SLCO1B1: variants seen among roughly 807,000 people sequenced by gnomAD.
SLCO1B1 encodes the protein OATP-2.
Under a neutral mutation model 70.1 loss-of-function variants are expected in SLCO1B1, and 81 were observed. The ratio of observed to expected loss-of-function variants is 1.16; its 90% CI spans 0.97 to 1.39. The LOEUF is 1.39. Among genes scored for constraint, SLCO1B1 ranks in the 40% most tolerant of loss-of-function variants. The pLI is 0.00. For synonymous variants in SLCO1B1, 283 were observed against 271.5 expected (o/e 1.04, Z -0.42); for missense variants, 895 against 799.6 (o/e 1.12, Z -1.44).
At position 21,236,246 on chromosome 12, in the gene SLCO1B1, T is replaced by C. The variant is rs373016784; in HGVS notation, c.1866-2733T>C. 2.9e-4 allele frequency among the ~76,000 whole-genome samples: 44 copies of C among 152,208 alleles called. No individual in the cohort carries two copies. The South Asian group carries it at 8.9e-3, about 31-fold the overall frequency. ...AGCTATAGTGGGCTACAGTCCCCAC[T>C]CTTTTAGGGGAAGAACACATTGAGG... On this transcript the variant is annotated intron_variant, in intron 14 of 14. Coordinates refer to ENST00000256958, the MANE Select transcript of SLCO1B1 (RefSeq NM_006446.5).
chr12:21,197,014 G>A lies in SLCO1B1; in HGVS notation c.796G>A (p.Gly266Arg). 1.2e-6 allele frequency: 2 copies of A among 1,613,254 alleles called. No homozygotes were observed. The highest frequency in any genetic ancestry group is 1.7e-6 in the Non-Finnish European group (2 of 1,179,512). Residue 266 changes from glycine (G) to arginine (R), a missense_variant, in exon 8 of 15, where the codon GGA becomes AGA. Gly to Arg is a moderately radical substitution (Grantham distance 125). Coordinates refer to ENST00000256958, the MANE Select transcript of SLCO1B1 (RefSeq NM_006446.5). The part of the protein sequence containing the change: ...GAWWLNFLVS[G>R]LFSIISSIPF... The stretch of plus-strand genomic sequence containing the variant: ...TTGGTGGCTTAATTTCCTTGTGTCT[G>A]GACTATTCTCCATTATTTCTTCCAT...
At chr12:21,209,221 A>G (rs1445274174) in intron 11 of SLCO1B1, among the ~76,000 whole-genome samples, 1 of 138,102 alleles carries the variant, frequency 7.2e-6, no homozygotes, top group African/African-American at 2.8e-5. Flanking sequence ...CTCCCACCCC[A>G]CAACAGTCCC....
intron 2 of SLCO1B1, among the ~76,000 whole-genome samples, chr12:21,142,127 T>G (rs1940318853): frequency 6.6e-6 from 1 of 151,102 alleles, no homozygotes; most frequent in Non-Finnish European, 1.5e-5. Flanking sequence ...TTTAGGCTCA[T>G]GGAACGGAGG....
intron 2 of SLCO1B1, among the ~76,000 whole-genome samples, chr12:21,152,524 G>A: frequency 8.7e-5 from 1 of 11,512 alleles, no homozygotes; most frequent in East Asian, 4.1e-3. Context: ...AGGTGTGGGA[G>A]AGGAGAGGCT....
intron 1 of SLCO1B1, among the ~76,000 whole-genome samples, chr12:21,140,353 A>ATG (rs1367425274): frequency 3.3e-5 from 5 of 152,082 alleles, no homozygotes; most frequent in Admixed American, 3.3e-4. Context: ...AGGAGCAAGA[A>ATG]TGTATTTCTA....
rs1941172220 is a variant in SLCO1B1, at chr12:21,202,654, A to G, written c.1299A>G (p.Lys433=). 8.7e-6 allele frequency: 14 copies of G among 1,612,742 alleles called. No homozygotes were observed. Among genetic ancestry groups the G allele is most frequent in the Non-Finnish European group, 1.1e-5 (13 of 1,179,366 alleles). Residue 433 remains lysine, a synonymous_variant, in exon 10 of 15, where the codon AAA becomes AAG. Coordinates refer to ENST00000256958, the MANE Select transcript of SLCO1B1 (RefSeq NM_006446.5). ...LLYFFILCEN[K]SVAGLTMTYD... is the part of the protein sequence containing the mutation. ...ATTTTTTCATACTCTGTGAAAACAA[A>G]TCAGTTGCCGGACTAACCATGACCT...
Position 21,209,289 on chromosome 12 carries a change from A to G in SLCO1B1, c.1497+3256A>G, listed in dbSNP as rs1042666610. 1.5e-4 allele frequency among the ~76,000 whole-genome samples: 23 copies of G among 151,104 alleles called. 2 individuals carry two copies. The South Asian group carries it at 4.0e-3, about 26-fold the overall frequency. On this transcript the variant is annotated intron_variant, in intron 11 of 14. Coordinates refer to ENST00000256958, the MANE Select transcript of SLCO1B1 (RefSeq NM_006446.5). ...TGATCTCATTGTTCAATTCCCACCT[A>G]TGAGTGAGAATATGCGGTGTTTGGT... is the stretch of plus-strand genomic sequence containing the variant.
At chr12:21,162,425 TG>T (rs1940631103) in intron 2 of SLCO1B1, among the ~76,000 whole-genome samples, 1 of 152,182 alleles carries the variant, frequency 6.6e-6, no homozygotes, top group South Asian at 2.1e-4. Flanking sequence ...TCACGTATTT[TG>T]CTCTAGAAAA....
chr12:21,165,380 A>G (rs1236346465), intron 2 of SLCO1B1, among the ~76,000 whole-genome samples: 1 of 152,132 alleles, frequency 6.6e-6, no homozygotes, highest in African/African-American at 2.4e-5. Context: ...CTAGCACTGC[A>G]TGTACACAGA....
chr12:21,182,308 C>G (rs1370258081), intron 7 of SLCO1B1, among the ~76,000 whole-genome samples: 1 of 152,158 alleles, frequency 6.6e-6, no homozygotes, highest in African/African-American at 2.4e-5. Flanking sequence ...TTGGAACAGG[C>G]AGGGGCATCT....
At chr12:21,142,906 GT>G (rs1412409452) in intron 2 of SLCO1B1, among the ~76,000 whole-genome samples, 2 of 152,074 alleles carry the variant, frequency 1.3e-5, no homozygotes, top group Non-Finnish European at 2.9e-5. Flanking sequence ...TTAGCAGTGT[GT>G]GGAAAGGACA....
At chr12:21,171,126 T>A (rs936188086) in intron 2 of SLCO1B1, among the ~76,000 whole-genome samples, 4 of 152,144 alleles carry the variant, frequency 2.6e-5, no homozygotes, top group Non-Finnish European at 5.9e-5. Flanking sequence ...TTTAAAGAGA[T>A]TGATCAAGGA....
intron 7 of SLCO1B1, 28 bp downstream of exon 7, chr12:21,179,048 G>A (rs1470162494): frequency 4.2e-6 from 6 of 1,418,248 alleles, no homozygotes; most frequent in Non-Finnish European, 5.0e-6. Flanking sequence ...AAGGTACCAT[G>A]ATAACGTCTT....
At chr12:21,238,936 C>A (rs1941620378) in intron 14 of SLCO1B1, 43 bp from the exon 15 acceptor site, 1 of 1,234,424 alleles carries the variant, frequency 8.1e-7, no homozygotes, top group African/African-American at 1.5e-5. Flanking sequence ...TTATTACACA[C>A]AATTTAAACT....
chr12:21,229,250 C>T (rs1054277709), intron 14 of SLCO1B1, among the ~76,000 whole-genome samples: 3 of 121,000 alleles, frequency 2.5e-5, no homozygotes, highest in African/African-American at 3.0e-5. Flanking sequence ...ATCTTTATCT[C>T]CCAGAGTCCA....
At chr12:21,156,433 C>T (rs1197069308) in intron 2 of SLCO1B1, among the ~76,000 whole-genome samples, 1 of 152,060 alleles carries the variant, frequency 6.6e-6, no homozygotes. Flanking sequence ...TAATAGTGAA[C>T]TTATACAATT....
At chr12:21,173,746 C>T (rs1940784209) in intron 3 of SLCO1B1, among the ~76,000 whole-genome samples, 1 of 149,822 alleles carries the variant, frequency 6.7e-6, no homozygotes, top group South Asian at 2.1e-4. Flanking sequence ...GCCTGAGGCT[C>T]CAGATGGATT....
At chr12:21,227,459 T>A (rs1941493576) in intron 14 of SLCO1B1, among the ~76,000 whole-genome samples, 1 of 152,138 alleles carries the variant, frequency 6.6e-6, no homozygotes, top group African/African-American at 2.4e-5. Context: ...CTCTTCCATT[T>A]AATGTGTAAA....
intron 1 of SLCO1B1, among the ~76,000 whole-genome samples, chr12:21,132,618 G>A (rs1177752098): frequency 6.6e-6 from 1 of 152,044 alleles, no homozygotes; most frequent in Non-Finnish European, 1.5e-5. Context: ...GTGTTTTTTG[G>A]CTGCATAAAT....
Sources: gnomAD v4.1 joint callset for allele counts (sites outside exome capture counted in the v4.1 genomes callset) on GRCh38, gnomAD v4.1.1 for gene constraint, MANE v1.5 for transcripts, NCBI Gene and HGNC (gene_info 2026-07-23, HGNC 2026-07-21) for gene names.